The following SLIT1 variants were observed in gnomAD, a reference collection of about 807,000 sequenced individuals.
The protein encoded by SLIT1 is slit homolog 1 protein.
In SLIT1, 66 loss-of-function variants were observed where a neutral mutation model predicts 186.1. That is an observed-to-expected ratio of 0.35 (90% confidence interval 0.29 to 0.44). The LOEUF is 0.44. Among genes scored for constraint, SLIT1 ranks in the 20% least tolerant of loss-of-function variants. The pLI, the probability that SLIT1 is intolerant of heterozygous loss-of-function variation, is 1.00. For synonymous variants in SLIT1, 761 were observed against 833.8 expected, an observed-to-expected ratio of 0.91 and a Z score of 1.50; for missense variants, 1,638 against 2,037.4, an observed-to-expected ratio of 0.80 and a Z score of 3.77.
At chr10:97,094,921 G>T (rs902471) in intron 4 of SLIT1, among the ~76,000 whole-genome samples, 56,091 of 152,106 alleles carry the variant, frequency 0.37, 12,656 homozygotes, top group African/African-American at 0.64. Context: ...AATAAATGAT[G>T]TAATTCTCTG....
At chr10:97,166,439 C>T (rs1398876975) in intron 1 of SLIT1, among the ~76,000 whole-genome samples, 1 of 150,904 alleles carries the variant, frequency 6.6e-6, no homozygotes, top group East Asian at 1.9e-4. Flanking sequence ...CTGCTTGAAC[C>T]CGGGAGGTGG....
At chr10:97,098,914 C>T (rs1051481403) in intron 4 of SLIT1, among the ~76,000 whole-genome samples, 1 of 152,184 alleles carries the variant, frequency 6.6e-6, no homozygotes, top group Non-Finnish European at 1.5e-5. Flanking sequence ...GAGTTGGCCT[C>T]ACCAAGTGGC....
At chr10:97,039,415 T>G (rs1016857323) in intron 21 of SLIT1, among the ~76,000 whole-genome samples, 8 of 152,140 alleles carry the variant, frequency 5.3e-5, no homozygotes, top group African/African-American at 1.9e-4. Context: ...AAGGCCACCT[T>G]CTCACATGGT....
intron 23 of SLIT1, 143 bp from the exon 24 acceptor site, chr10:97,031,820 ATGGGCTGGGCTGCGC>A: frequency 1.6e-6 from 1 of 643,236 alleles, no homozygotes; most frequent in Non-Finnish European, 2.7e-6. Context: ...CGGCAAGTGC[ATGGGCTGGGCTGCGC>A]CCTAAGAAGC....
At chr10:97,185,345 G>T in intron 1 of SLIT1, 133 bp downstream of exon 1, 1 of 835,152 alleles carries the variant, frequency 1.2e-6, no homozygotes, top group African/African-American at 1.8e-5. Flanking sequence ...ACCCCGGCAG[G>T]CACTGACCCG....
At chr10:97,060,441 C>T (rs1266047551) in intron 9 of SLIT1, among the ~76,000 whole-genome samples, 199 bp downstream of exon 9, 4 of 152,236 alleles carry the variant, frequency 2.6e-5, no homozygotes, top group Non-Finnish European at 5.9e-5. Context: ...CCCAGAGGGA[C>T]ACTCCCTCCC....
intron 1 of SLIT1, 63 bp from the exon 2 acceptor site, chr10:97,164,953 C>G: frequency 7.5e-7 from 1 of 1,330,818 alleles, no homozygotes. Flanking sequence ...GGCCAGGGGC[C>G]CTGCTCCAGG....
At chr10:97,088,174 T>C (rs1353292057) in intron 4 of SLIT1, among the ~76,000 whole-genome samples, 1 of 152,196 alleles carries the variant, frequency 6.6e-6, no homozygotes, top group Non-Finnish European at 1.5e-5. Context: ...TTTTCAAAGC[T>C]TCCAGGGGAT....
chr10:97,041,145 A>G (rs572156700), intron 20 of SLIT1, among the ~76,000 whole-genome samples: 3 of 152,204 alleles, frequency 2.0e-5, no homozygotes, highest in African/African-American at 7.2e-5. Context: ...ACATCCTTTC[A>G]CCTCTAGGAA....
In SLIT1 at chr10:97,084,037, G is replaced by A. The variant is rs187386865; in HGVS notation, c.414-17951C>T. On this transcript the variant is annotated intron_variant, in intron 4 of 36. Transcript: ENST00000266058. ...TCTTCATCTAGTTGTGGAAGTGACG[G>A]CCAGCTCTGCAAAACCTGAACATAG... Among the ~76,000 whole-genome samples the A allele has an allele frequency of 4.6e-5, 7 of 152,248 alleles. No individual in the cohort carries two copies. The East Asian group carries it at 1.4e-3, about 29-fold the overall frequency.
Position 97,155,973 on chromosome 10 carries a change from A to ACAGG in SLIT1, c.413+1844_413+1845insCCTG, listed in dbSNP as rs1849945750. On this transcript the variant is annotated intron_variant, in intron 4 of 36. Transcript: ENST00000266058. The stretch of plus-strand genomic sequence containing the variant: ...CAGCATGGACCACATAGACCAGTGC[A>ACAGG]TGGCCCACAGGTTCAACAGACATTA... Among the ~76,000 whole-genome samples the ACAGG allele has an allele frequency of 2.6e-5, 4 of 152,250 alleles. No homozygotes were observed. The South Asian group carries it at 8.3e-4, about 31-fold the overall frequency.
intron 1 of SLIT1, among the ~76,000 whole-genome samples, chr10:97,165,279 C>A (rs569692924): frequency 6.6e-6 from 1 of 152,300 alleles, no homozygotes; most frequent in African/African-American, 2.4e-5. Context: ...AAAATGCGGA[C>A]AACTGTGTCT....
rs1157190157 is a variant in SLIT1 at position 97,064,314 on chromosome 10, GA to G, written c.558-76del. The G allele has an allele frequency of 8.2e-5, 99 of 1,205,714 alleles. No individual in the cohort carries two copies. In the East Asian group the frequency reaches 2.3e-3, roughly 28 times the overall value. The allele number at this position is 1,205,714 out of a possible 1,614,324, so 74.7% of individuals were successfully genotyped here. The stretch of plus-strand genomic sequence containing the variant: ...TGTGGGACAGGGCCGCCCTGCTAAC[GA>G]ACAGGGAGGCTCTCGACCTTAAAGT... On this transcript the variant is annotated intron_variant, in intron 6 of 36. Coordinates refer to ENST00000266058, the MANE Select transcript of SLIT1 (RefSeq NM_003061.3).
At chr10:97,099,499 G>A (rs1436317116) in intron 4 of SLIT1, among the ~76,000 whole-genome samples, 1 of 152,194 alleles carries the variant, frequency 6.6e-6, no homozygotes, top group Non-Finnish European at 1.5e-5. Flanking sequence ...GAAGCTCCTG[G>A]ATCTGTTGTA....
intron 4 of SLIT1, among the ~76,000 whole-genome samples, chr10:97,092,399 G>T (rs1280026907): frequency 2.6e-5 from 4 of 152,222 alleles, no homozygotes; most frequent in Non-Finnish European, 5.9e-5. Context: ...TGGGCCCAAG[G>T]ATTTGTGAAT....
At position 97,030,773 on chromosome 10, in the gene SLIT1, T is replaced by C; in HGVS notation, c.2566A>G (p.Thr856Ala). ...TLQEGIFADV[T>A]SLSHLAIGAN... ...GGTACTCACAGGTGAGACAGGGAGGTCACGTCTGCAAAGATGCCCTCTTGG... is the reference window on the plus strand; with the variant it reads ...GGTACTCACAGGTGAGACAGGGAGGCCACGTCTGCAAAGATGCCCTCTTGG... The change falls in exon 25 of 37, where the codon ACC becomes GCC. Residue 856 changes from threonine to alanine, a missense_variant. Coordinates refer to ENST00000266058, the MANE Select transcript of SLIT1 (RefSeq NM_003061.3). The C allele has an allele frequency of 6.2e-7, 1 of 1,613,698 alleles. No individual in the cohort carries two copies. The highest frequency in any genetic ancestry group is 2.2e-5 in the East Asian group (1 of 44,872).
chr10:97,090,993 AC>A (rs1849225216), intron 4 of SLIT1, among the ~76,000 whole-genome samples: 1 of 152,236 alleles, frequency 6.6e-6, no homozygotes, highest in Non-Finnish European at 1.5e-5. Flanking sequence ...GTTCAATGTC[AC>A]AGGCAGTGCT....
At chr10:97,085,978 C>A (rs1849155350) in intron 4 of SLIT1, among the ~76,000 whole-genome samples, 2 of 152,212 alleles carry the variant, frequency 1.3e-5, no homozygotes, top group South Asian at 4.1e-4. Flanking sequence ...GAATGTGGGG[C>A]AACAGGAACT....
intron 4 of SLIT1, among the ~76,000 whole-genome samples, chr10:97,097,327 T>A (rs547957242): frequency 1.2e-4 from 18 of 152,338 alleles, no homozygotes; most frequent in African/African-American, 3.8e-4. Context: ...TGGGAATGCA[T>A]CTGGCTCATT....
Sources: allele counts gnomAD v4.1 joint callset (sites outside exome capture counted in the v4.1 genomes callset), GRCh38; gene constraint gnomAD v4.1.1; transcripts MANE v1.5; gene names NCBI Gene and HGNC (gene_info 2026-07-23, HGNC 2026-07-21).